Variants in SLC35F1 observed in about 807,000 individuals in gnomAD.
The protein encoded by SLC35F1 is solute carrier family 35 member F1.
SLC35F1 carries 14 observed loss-of-function variants against 48.7 expected under a neutral mutation model. That is an observed-to-expected ratio of 0.29 (90% CI 0.19 to 0.45). SLC35F1 has a LOEUF of 0.45. Ranked by LOEUF, SLC35F1 falls within the 20% of genes least tolerant of loss-of-function variation. The probability of loss-of-function intolerance (pLI) is 1.00; values close to 1 mark genes in which losing one functional copy is unlikely to be tolerated. For synonymous variants in SLC35F1, 190 were observed against 202.2 expected (o/e 0.94, Z 0.51); for missense variants, 404 against 500.0 (o/e 0.81, Z 1.83).
At chr6:118,023,778 A>G (rs1419953187) in intron 1 of SLC35F1, among the ~76,000 whole-genome samples, 3 of 152,206 alleles carry the variant, frequency 2.0e-5, no homozygotes, top group African/African-American at 7.2e-5. Flanking sequence ...ATAAACCTGG[A>G]GCCTTCAGCT....
intron 1 of SLC35F1, among the ~76,000 whole-genome samples, chr6:117,936,234 T>A (rs1364305614): frequency 2.0e-5 from 3 of 152,218 alleles, no homozygotes; most frequent in Non-Finnish European, 2.9e-5. Flanking sequence ...GGACTTTCTG[T>A]TTCTTGTGAA....
chr6:118,302,964 A>G (rs1228379063), intron 7 of SLC35F1, among the ~76,000 whole-genome samples: 5 of 138,506 alleles, frequency 3.6e-5, no homozygotes, highest in Non-Finnish European at 6.2e-5. Context: ...TTATCAGGAA[A>G]CAAACAGCTT....
chr6:117,951,845 G>A (rs1776366368), intron 1 of SLC35F1, among the ~76,000 whole-genome samples: 1 of 152,150 alleles, frequency 6.6e-6, no homozygotes, highest in Non-Finnish European at 1.5e-5. Flanking sequence ...GAAGACCTAG[G>A]GAAATGACAA....
At chr6:118,290,855 T>C (rs1874082) in intron 7 of SLC35F1, among the ~76,000 whole-genome samples, 98,906 of 150,572 alleles carry the variant, frequency 0.66, 33,013 homozygotes, top group Middle Eastern at 0.77. Flanking sequence ...AGTACAGTGG[T>C]GCGATCTCGG....
At chr6:117,998,754 T>A (rs1777039552) in intron 1 of SLC35F1, among the ~76,000 whole-genome samples, 1 of 152,102 alleles carries the variant, frequency 6.6e-6, no homozygotes, top group Non-Finnish European at 1.5e-5. Flanking sequence ...CAGACCAGAA[T>A]CTCTGGGACA....
chr6:118,081,775 C>T (rs1772911876), intron 1 of SLC35F1, among the ~76,000 whole-genome samples: 1 of 152,156 alleles, frequency 6.6e-6, no homozygotes, highest in Non-Finnish European at 1.5e-5. Flanking sequence ...CAGTACCAAG[C>T]CTTCTAAATT....
intron 1 of SLC35F1, among the ~76,000 whole-genome samples, chr6:118,146,526 C>A (rs1773975267): frequency 6.6e-6 from 1 of 152,176 alleles, no homozygotes; most frequent in African/African-American, 2.4e-5. Flanking sequence ...AACAAAGACT[C>A]AAAACTATGT....
In SLC35F1 at chr6:118,314,297, T is replaced by C. The variant is rs756931466; in HGVS notation, c.*45T>C. 3 of 1,565,496 alleles carry C rather than the reference T, an allele frequency of 1.9e-6. No homozygotes were observed. In the South Asian group the frequency reaches 3.3e-5, roughly 17 times the overall value. On this transcript the variant is annotated 3_prime_UTR_variant, in exon 8 of 8. Coordinates refer to ENST00000360388, the MANE Select transcript of SLC35F1 (RefSeq NM_001029858.4). ...ACTGAGGCCAACTCATTGGCCATGT[T>C]TTTGCCCATCATCTCTGTATTGTAC...
intron 3 of SLC35F1, among the ~76,000 whole-genome samples, chr6:118,253,851 C>G (rs1775607221): frequency 6.6e-6 from 1 of 151,862 alleles, no homozygotes; most frequent in African/African-American, 2.4e-5. Flanking sequence ...ACCAAGATGC[C>G]AGAGGCAGTA....
chr6:118,190,053 G>A (rs205932), intron 2 of SLC35F1, among the ~76,000 whole-genome samples: 4,920 of 152,214 alleles, frequency 0.032, 131 homozygotes, highest in South Asian at 0.07. Flanking sequence ...ATAGAAGTAT[G>A]GAGTCCTTCT....
At chr6:118,103,341 C>T (rs1773285743) in intron 1 of SLC35F1, among the ~76,000 whole-genome samples, 1 of 152,180 alleles carries the variant, frequency 6.6e-6, no homozygotes, top group South Asian at 2.1e-4. Context: ...CATATGTATA[C>T]ATGTGCCATG....
intron 1 of SLC35F1, among the ~76,000 whole-genome samples, chr6:118,068,338 C>T (rs1772647952): frequency 6.6e-6 from 1 of 152,152 alleles, no homozygotes; most frequent in African/African-American, 2.4e-5. Flanking sequence ...GTTAGAGCAG[C>T]AGCCGCAGTA....
intron 1 of SLC35F1, among the ~76,000 whole-genome samples, chr6:118,095,885 AC>A: frequency 6.6e-6 from 1 of 152,176 alleles, no homozygotes; most frequent in Admixed American, 6.5e-5. Context: ...TGAATGTCAC[AC>A]ACACAGTTCA....
chr6:118,314,796 C>A lies in SLC35F1; in HGVS notation c.*544C>A, dbSNP rs1332315788. The A allele has an allele frequency of 6.4e-6, 1 of 156,826 alleles. No individual in the cohort carries two copies. Among genetic ancestry groups the A allele is most frequent in the Non-Finnish European group, 1.4e-5 (1 of 70,378 alleles). The allele number at this position is 156,826 out of a possible 1,614,324, so 9.7% of individuals were successfully genotyped here. ...TGGTGGTTAATGGTTTCCTCTGTTACCTGTTGGATTGCCTGCTCAATAAGT... is the reference window on the plus strand; with the variant it reads ...TGGTGGTTAATGGTTTCCTCTGTTAACTGTTGGATTGCCTGCTCAATAAGT... On this transcript the variant is annotated 3_prime_UTR_variant, in exon 8 of 8. Transcript: ENST00000360388.
chr6:117,911,819 A>G (rs897055163), intron 1 of SLC35F1, among the ~76,000 whole-genome samples: 2 of 152,250 alleles, frequency 1.3e-5, no homozygotes, highest in Middle Eastern at 3.4e-3. Flanking sequence ...AAAAGAAAAT[A>G]CTTCAAGGGC....
At chr6:118,184,272 C>T (rs1023478890) in intron 2 of SLC35F1, among the ~76,000 whole-genome samples, 2 of 152,158 alleles carry the variant, frequency 1.3e-5, no homozygotes, top group Non-Finnish European at 2.9e-5. Context: ...AAGAGCAAGA[C>T]TCTCAAAAGT....
chr6:118,041,190 C>G (rs953839650), intron 1 of SLC35F1, among the ~76,000 whole-genome samples: 5 of 152,070 alleles, frequency 3.3e-5, no homozygotes, highest in Non-Finnish European at 5.9e-5. Flanking sequence ...ATGTTTTTAG[C>G]AAATTTATTA....
chr6:117,926,008 C>T (rs1171585691), intron 1 of SLC35F1, among the ~76,000 whole-genome samples: 1 of 152,064 alleles, frequency 6.6e-6, no homozygotes, highest in Non-Finnish European at 1.5e-5. Context: ...TGAAAGATCT[C>T]ACACAGTATA....
intron 1 of SLC35F1, among the ~76,000 whole-genome samples, chr6:118,076,445 A>T (rs1225207465): frequency 6.6e-6 from 1 of 152,174 alleles, no homozygotes; most frequent in Non-Finnish European, 1.5e-5. Flanking sequence ...TACAGGAGGC[A>T]TGGCTGGGGA....
Sources: gnomAD v4.1 joint callset for allele counts (sites outside exome capture counted in the v4.1 genomes callset) on GRCh38, gnomAD v4.1.1 for gene constraint, MANE v1.5 for transcripts, NCBI Gene and HGNC (gene_info 2026-07-23, HGNC 2026-07-21) for gene names.